The following UNC5C variants were observed in gnomAD, a reference collection of about 807,000 sequenced individuals.
UNC5C encodes unc-5 netrin receptor C.
UNC5C carries 47 observed loss-of-function variants against 99.8 expected under a neutral mutation model. The ratio of observed to expected loss-of-function variants is 0.47; its 90% CI spans 0.37 to 0.60. The LOEUF is 0.60. Ranked by LOEUF, UNC5C falls within the 20% of genes least tolerant of loss-of-function variation. The probability of loss-of-function intolerance (pLI) is 0.00; values close to 1 mark genes in which losing one functional copy is unlikely to be tolerated. For synonymous variants in UNC5C, 487 were observed against 452.2 expected (o/e 1.08, Z -0.98); for missense variants, 1,062 against 1,165.9 (o/e 0.91, Z 1.30).
intron 1 of UNC5C, among the ~76,000 whole-genome samples, chr4:95,477,271 G>A (rs988322215): frequency 6.6e-6 from 1 of 151,766 alleles, no homozygotes. Context: ...CCACATTTTT[G>A]GAAATAAGAT....
intron 1 of UNC5C, among the ~76,000 whole-genome samples, chr4:95,367,046 T>C (rs1744593940): frequency 6.6e-6 from 1 of 152,148 alleles, no homozygotes; most frequent in African/African-American, 2.4e-5. Context: ...ACTAAGACCC[T>C]GTCAATTAGG....
intron 10 of UNC5C, among the ~76,000 whole-genome samples, chr4:95,214,800 A>AAAAAT (rs554022710): frequency 6.6e-6 from 1 of 152,246 alleles, no homozygotes; most frequent in Non-Finnish European, 1.5e-5. Context: ...AGAGAGAAAG[A>AAAAAT]AAAATAAAAT....
chr4:95,372,623 T>C (rs1394169778), intron 1 of UNC5C, among the ~76,000 whole-genome samples: 1 of 152,226 alleles, frequency 6.6e-6, no homozygotes, highest in African/African-American at 2.4e-5. Context: ...TTGGCCCTGT[T>C]TGGGTACTAT....
intron 7 of UNC5C, among the ~76,000 whole-genome samples, chr4:95,232,165 C>A (rs1172401722): frequency 6.6e-6 from 1 of 151,622 alleles, no homozygotes; most frequent in Non-Finnish European, 1.5e-5. Flanking sequence ...AGATCAGCTA[C>A]TCAAGTGTTT....
chr4:95,301,592 G>A lies in UNC5C; in HGVS notation c.490+14C>T. 6.2e-7 allele frequency: 1 copy of A among 1,613,806 alleles called. No individual in the cohort carries two copies. The highest frequency in any genetic ancestry group is 8.5e-7 in the Non-Finnish European group (1 of 1,179,876). On this transcript the variant is annotated intron_variant, in intron 3 of 15. Coordinates refer to ENST00000453304, the MANE Select transcript of UNC5C (RefSeq NM_003728.4). ...ACTTCTGAGACCCAAGGTGCTTATT[G>A]TACAATGACTCACATGCAATGCGCA...
intron 14 of UNC5C, among the ~76,000 whole-genome samples, chr4:95,179,849 A>G (rs1736537188): frequency 6.6e-6 from 1 of 151,764 alleles, no homozygotes; most frequent in African/African-American, 2.4e-5. Context: ...AAGCAATGTG[A>G]TAAACCAACT....
chr4:95,382,341 C>T (rs1745095867), intron 1 of UNC5C, among the ~76,000 whole-genome samples: 2 of 151,722 alleles, frequency 1.3e-5, no homozygotes, highest in Non-Finnish European at 2.9e-5. Flanking sequence ...GGCATAGTGG[C>T]ATGCGCATGT....
chr4:95,490,818 A>C (rs1174285902), intron 1 of UNC5C, among the ~76,000 whole-genome samples: 2 of 151,810 alleles, frequency 1.3e-5, no homozygotes, highest in East Asian at 3.9e-4. Flanking sequence ...AATGATTTAA[A>C]AATTGAACAA....
At chr4:95,371,028 A>T (rs1179949861) in intron 1 of UNC5C, among the ~76,000 whole-genome samples, 1 of 152,276 alleles carries the variant, frequency 6.6e-6, no homozygotes. Context: ...TTATCTATTC[A>T]TATTTAGTAC....
At chr4:95,381,016 A>G (rs933122642) in intron 1 of UNC5C, among the ~76,000 whole-genome samples, 1 of 152,214 alleles carries the variant, frequency 6.6e-6, no homozygotes, top group Non-Finnish European at 1.5e-5. Flanking sequence ...TACTCATTAC[A>G]TAGGAGAAGA....
chr4:95,451,822 A>AT (rs1747286763), intron 1 of UNC5C, among the ~76,000 whole-genome samples: 1 of 152,186 alleles, frequency 6.6e-6, no homozygotes, highest in African/African-American at 2.4e-5. Context: ...TAAATTATCA[A>AT]TGTAACTATT....
intron 1 of UNC5C, among the ~76,000 whole-genome samples, chr4:95,404,593 AT>A (rs1745785194): frequency 6.6e-6 from 1 of 152,146 alleles, no homozygotes; most frequent in Admixed American, 6.5e-5. Context: ...GGCAGGGAGA[AT>A]TCATCTTAAT....
chr4:95,368,086 G>A (rs574598825), intron 1 of UNC5C, among the ~76,000 whole-genome samples: 23 of 152,128 alleles, frequency 1.5e-4, no homozygotes, highest in Non-Finnish European at 3.2e-4. Flanking sequence ...TTAGCATAGC[G>A]TATGAATACC....
intron 1 of UNC5C, among the ~76,000 whole-genome samples, chr4:95,445,438 T>C (rs2149465142): frequency 6.6e-6 from 1 of 152,264 alleles, no homozygotes; most frequent in African/African-American, 2.4e-5. Context: ...TGTTTTCCAA[T>C]TCCGCTCTTG....
intron 1 of UNC5C, among the ~76,000 whole-genome samples, chr4:95,451,090 G>A (rs902911534): frequency 6.6e-6 from 1 of 152,142 alleles, no homozygotes; most frequent in African/African-American, 2.4e-5. Flanking sequence ...GACTTACGTA[G>A]CAATTAGTTG....
chr4:95,427,458 A>G (rs1746516273), intron 1 of UNC5C, among the ~76,000 whole-genome samples: 1 of 152,168 alleles, frequency 6.6e-6, no homozygotes, highest in African/African-American at 2.4e-5. Context: ...TGTTGCGGCA[A>G]ACTTCACTGT....
chr4:95,348,420 A>G (rs903663356), intron 1 of UNC5C, among the ~76,000 whole-genome samples: 1 of 151,598 alleles, frequency 6.6e-6, no homozygotes, highest in African/African-American at 2.4e-5. Context: ...AAGTATACCC[A>G]AAAGAAAGGA....
At position 95,534,127 on chromosome 4, in the gene UNC5C, T is replaced by C. The variant is rs531418897; in HGVS notation, c.124+14607A>G. Among the ~76,000 whole-genome samples, 7 of 152,154 alleles carry C rather than the reference T, an allele frequency of 4.6e-5. No individual in the cohort carries two copies. The South Asian group carries it at 1.5e-3, about 32-fold the overall frequency. On this transcript the variant is annotated intron_variant, in intron 1 of 15. Transcript: ENST00000453304. ...CACTTGAGGAAGTTGGGGAGGAGGG[T>C]TGGGCTAAAAAAATAAAAGAGTGTT...
intron 1 of UNC5C, among the ~76,000 whole-genome samples, chr4:95,481,668 C>T (rs868134907): frequency 1.6e-4 from 24 of 152,118 alleles, no homozygotes; most frequent in South Asian, 4.2e-4. Context: ...GAGATATAGA[C>T]CAATGGAACA....
Sources: gnomAD v4.1 joint callset for allele counts (sites outside exome capture counted in the v4.1 genomes callset) on GRCh38, gnomAD v4.1.1 for gene constraint, MANE v1.5 for transcripts, NCBI Gene and HGNC (gene_info 2026-07-23, HGNC 2026-07-21) for gene names.